NPR3: variants seen among roughly 807,000 people sequenced by gnomAD.
NPR3 encodes natriuretic peptide receptor 3.
Under a neutral mutation model 54.5 loss-of-function variants are expected in NPR3, and 34 were observed. The ratio of observed to expected loss-of-function variants is 0.62; its 90% CI spans 0.47 to 0.83. The LOEUF is 0.83. Among genes scored for constraint, NPR3 ranks in the 40% least tolerant of loss-of-function variants. The probability of loss-of-function intolerance (pLI) is 0.00; values close to 1 mark genes in which losing one functional copy is unlikely to be tolerated. For synonymous variants in NPR3, 289 were observed against 297.1 expected (o/e 0.97, Z 0.28); for missense variants, 674 against 720.8 (o/e 0.94, Z 0.74).
intron 3 of NPR3, among the ~76,000 whole-genome samples, chr5:32,742,908 G>T (rs1049707769): frequency 5.9e-5 from 9 of 152,116 alleles, no homozygotes; most frequent in Non-Finnish European, 1.3e-4. Context: ...GTTATGTATT[G>T]TATGATACCA....
intron 3 of NPR3, among the ~76,000 whole-genome samples, chr5:32,768,118 A>T (rs1284388987): frequency 6.6e-6 from 1 of 151,990 alleles, no homozygotes. Flanking sequence ...TGCCTACCTC[A>T]ACTTCGTGCC....
At chr5:32,692,240 T>C (rs1740411915) in intron 1 of NPR3, among the ~76,000 whole-genome samples, 1 of 152,204 alleles carries the variant, frequency 6.6e-6, no homozygotes, top group African/African-American at 2.4e-5. Flanking sequence ...TGTACACTTA[T>C]ATATACTTAG....
rs750261307 is a variant in NPR3, at chr5:32,789,409, G to A, written c.*3064G>A. 1 of 516,652 alleles carries A rather than the reference G, an allele frequency of 1.9e-6. No individual in the cohort carries two copies. The highest frequency in any genetic ancestry group is 4.0e-6 in the Non-Finnish European group (1 of 252,486). The allele number at this position is 516,652 out of a possible 1,614,324, so 32.0% of individuals were successfully genotyped here. ...AGACTGACCACAGGTTTCATGAGAA[G>A]GTCCCTGAAAACATCACATTTCTCT... On this transcript the variant is annotated 3_prime_UTR_variant, in exon 8 of 8. Transcript: ENST00000265074.
chr5:32,733,711 G>GA (rs1001176429), intron 2 of NPR3, among the ~76,000 whole-genome samples: 1 of 152,116 alleles, frequency 6.6e-6, no homozygotes, highest in Non-Finnish European at 1.5e-5. Flanking sequence ...TTGGAACATA[G>GA]AAAAAAGAAA....
intron 1 of NPR3, among the ~76,000 whole-genome samples, chr5:32,700,838 A>G (rs535470285): frequency 1.3e-4 from 20 of 152,332 alleles, no homozygotes; most frequent in African/African-American, 4.3e-4. Context: ...GTTATTGTGA[A>G]TAGTGCCACA....
rs759661124 is a variant in NPR3 at position 32,780,761 on chromosome 5, G to A, written c.1235G>A (p.Arg412Gln). 14 of 1,602,026 alleles carry A rather than the reference G, an allele frequency of 8.7e-6. No individual in the cohort carries two copies. Among genetic ancestry groups the A allele is most frequent in the South Asian group, 5.5e-5 (5 of 90,840 alleles). The change falls in exon 5 of 8, where the codon CGA becomes CAA. Residue 412 changes from arginine to glutamine, a missense_variant. Coordinates refer to ENST00000265074, the MANE Select transcript of NPR3 (RefSeq NM_001204375.2). ...GTGTCCATAGATGCCAACGGAGACC[G>A]ATATGGGGATTTCTCTGTGATTGCC... ...GQVSIDANGD[R>Q]YGDFSVIAMT...
At chr5:32,745,009 GTCAAA>G (rs1740223528) in intron 3 of NPR3, among the ~76,000 whole-genome samples, 2 of 152,102 alleles carry the variant, frequency 1.3e-5, no homozygotes, top group African/African-American at 4.8e-5. Flanking sequence ...TAGAAAGTAC[GTCAAA>G]TCAAACACAC....
intron 3 of NPR3, among the ~76,000 whole-genome samples, chr5:32,764,121 A>G (rs1741319283): frequency 6.6e-6 from 1 of 152,178 alleles, no homozygotes; most frequent in African/African-American, 2.4e-5. Context: ...GATGTTCCTC[A>G]GCTTCTCAGC....
chr5:32,778,085 T>C (rs967854192), intron 4 of NPR3, among the ~76,000 whole-genome samples: 1 of 152,052 alleles, frequency 6.6e-6, no homozygotes, highest in Non-Finnish European at 1.5e-5. Flanking sequence ...TAGGTGCCAA[T>C]GATGGCTGGA....
chr5:32,747,562 C>A (rs1740364033), intron 3 of NPR3, among the ~76,000 whole-genome samples: 1 of 152,036 alleles, frequency 6.6e-6, no homozygotes, highest in Non-Finnish European at 1.5e-5. Flanking sequence ...TTCATTTTCA[C>A]TTTCTCTGCC....
Position 32,738,972 on chromosome 5 carries a change from A to T in NPR3, c.1001A>T (p.Lys334Met). ...LLRTVKPEFE[K>M]FSMEVKSSVE... ...AGGACAGTGAAACCTGAGTTTGAGA[A>T]GTTTTCCATGGAGGTGAAAAGTTCA... The change falls in exon 3 of 8, where the codon AAG (lysine) becomes ATG (methionine). Residue 334 changes from lysine to methionine, a missense_variant. By Grantham distance (95) the Lys-to-Met change is moderately conservative. Transcript: ENST00000265074. 3 of 1,614,024 alleles carry T rather than the reference A, an allele frequency of 1.9e-6. No homozygotes were observed. The highest frequency in any genetic ancestry group is 2.5e-6 in the Non-Finnish European group (3 of 1,179,878).
Position 32,711,860 on chromosome 5 carries a change from C to T in NPR3, c.84C>T (p.Gly28=). 6.8e-7 allele frequency: 1 copy of T among 1,462,894 alleles called. No individual in the cohort carries two copies. Among genetic ancestry groups the T allele is most frequent in the Non-Finnish European group, 9.0e-7 (1 of 1,109,618 alleles). The allele number at this position is 1,462,894 out of a possible 1,614,324, so 90.6% of individuals were successfully genotyped here. A position where few individuals can be genotyped will look rare whatever the true frequency, so the allele number is the denominator to read the frequency against. Residue 28 remains glycine, a synonymous_variant, in exon 1 of 8, where the codon GGC becomes GGT. Transcript: ENST00000265074. ...TGGCCGGCGGCACCGGTGGCGGTGG[C>T]GTTGGCGGCGGCGGCGGTGGCGCGG... ...ALLAGGTGGG[G]VGGGGGGAGI...
At chr5:32,773,031 C>T (rs1205910259) in intron 3 of NPR3, among the ~76,000 whole-genome samples, 1 of 148,312 alleles carries the variant, frequency 6.7e-6, no homozygotes, top group Admixed American at 6.9e-5. Context: ...AGTCACAGAA[C>T]CGTATCTTGT....
At chr5:32,757,275 TTCA>T (rs1554017271) in intron 3 of NPR3, among the ~76,000 whole-genome samples, 23 of 152,236 alleles carry the variant, frequency 1.5e-4, no homozygotes, top group Non-Finnish European at 1.2e-4. Context: ...CCTCTTTTAT[TTCA>T]TTGAGCAGTG....
At chr5:32,739,119 C>A in intron 3 of NPR3, 89 bp downstream of exon 3, 2 of 1,334,806 alleles carry the variant, frequency 1.5e-6, no homozygotes, top group African/African-American at 1.5e-5. Flanking sequence ...CCATTCTGAG[C>A]CATTCAAAAA....
rs1413444164 is a variant in NPR3 at position 32,711,814 on chromosome 5, T to C, written c.38T>C (p.Val13Ala). 6.9e-7 allele frequency: 1 copy of C among 1,451,600 alleles called. No individual in the cohort carries two copies. Among genetic ancestry groups the C allele is most frequent in the Non-Finnish European group, 9.1e-7 (1 of 1,102,784 alleles). 89.9% of individuals were successfully genotyped at this position (1,451,600 alleles called of 1,614,324 possible). The change falls in exon 1 of 8, where the codon GTA becomes GCA. Residue 13 changes from valine (V) to alanine (A), a missense_variant. Transcript: ENST00000265074. ...SLLVLTFSPC[V>A]LLGWALLAGG... The stretch of plus-strand genomic sequence containing the variant: ...CTGGTGCTCACTTTCTCCCCGTGCG[T>C]ACTACTCGGCTGGGCGTTGCTGGCC...
At chr5:32,777,743 A>T (rs926435986) in intron 4 of NPR3, among the ~76,000 whole-genome samples, 2 of 152,078 alleles carry the variant, frequency 1.3e-5, no homozygotes, top group Non-Finnish European at 2.9e-5. Flanking sequence ...AACCAGAGTG[A>T]GATCTCCCTT....
chr5:32,753,860 T>A (rs1367760507), intron 3 of NPR3, among the ~76,000 whole-genome samples: 1 of 152,210 alleles, frequency 6.6e-6, no homozygotes. Flanking sequence ...TCATGAGACA[T>A]GTCTTCAGTC....
intron 3 of NPR3, among the ~76,000 whole-genome samples, chr5:32,767,513 A>G (rs1419177186): frequency 1.3e-5 from 2 of 152,246 alleles, no homozygotes; most frequent in East Asian, 3.8e-4. Context: ...ACTTTGTTTA[A>G]TTTAGCATTT....
Sources: allele counts gnomAD v4.1 joint callset (sites outside exome capture counted in the v4.1 genomes callset), GRCh38; gene constraint gnomAD v4.1.1; transcripts MANE v1.5; gene names NCBI Gene and HGNC (gene_info 2026-07-23, HGNC 2026-07-21).